Variants in ACER2 observed in about 807,000 individuals in gnomAD.
ACER2 encodes the protein alkCDase 2.
Under a neutral mutation model 34.7 loss-of-function variants are expected in ACER2, and 26 were observed. The ratio of observed to expected loss-of-function variants is 0.75; its 90% CI spans 0.55 to 1.04. The LOEUF (loss-of-function observed/expected upper bound fraction) is 1.04. ACER2 is among the 50% of genes least tolerant of loss of function. The pLI is 0.00. For missense variants in ACER2, 352 were observed against 340.8 expected, an observed-to-expected ratio of 1.03 and a Z score of -0.26; for synonymous variants, 138 against 132.1, an observed-to-expected ratio of 1.04 and a Z score of -0.31.
chr9:19,439,859 C>T (rs946227394), intron 4 of ACER2, among the ~76,000 whole-genome samples: 30 of 152,092 alleles, frequency 2.0e-4, no homozygotes, highest in Non-Finnish European at 4.4e-4. Context: ...CCCAGCTATT[C>T]GGGAGGCTGA....
At chr9:19,414,747 A>G (rs1830191082) in intron 1 of ACER2, among the ~76,000 whole-genome samples, 1 of 152,120 alleles carries the variant, frequency 6.6e-6, no homozygotes, top group African/African-American at 2.4e-5. Flanking sequence ...ATAATCTAAC[A>G]ATAGGCTTTA....
intron 3 of ACER2, among the ~76,000 whole-genome samples, chr9:19,427,066 G>C (rs1830594261): frequency 6.6e-6 from 1 of 152,172 alleles, no homozygotes. Flanking sequence ...GAAGCAATCT[G>C]GGTTTGAATC....
rs369761618 is a variant in ACER2 at position 19,446,375 on chromosome 9, G to A, written c.598G>A (p.Glu200Lys). 1.9e-5 allele frequency: 31 copies of A among 1,614,114 alleles called. No individual in the cohort carries two copies. Among genetic ancestry groups the A allele is most frequent in the East Asian group, 6.7e-5 (3 of 44,862 alleles). Residue 200 changes from glutamate to lysine, a missense_variant, in exon 5 of 6, where the codon GAG becomes AAG. Glu to Lys is a moderately conservative substitution (Grantham distance 56). Coordinates refer to ENST00000340967, the MANE Select transcript of ACER2 (RefSeq NM_001010887.3). The stretch of plus-strand genomic sequence containing the variant: ...CTGGATCAGTGACCGAGCTTTCTGC[G>A]AGCTGCTGTCATCCTTCAACTTCCC... ...FCWISDRAFCELLSSFNFPYL... is the reference protein window; with the variant it reads ...FCWISDRAFCKLLSSFNFPYL...
At chr9:19,434,298 C>T (rs1327464949) in intron 3 of ACER2, among the ~76,000 whole-genome samples, 1 of 150,102 alleles carries the variant, frequency 6.7e-6, no homozygotes, top group Non-Finnish European at 1.5e-5. Context: ...ACTGGGCAGC[C>T]AGGCAGAGGG....
chr9:19,448,612 C>T (rs1831455512), intron 5 of ACER2, among the ~76,000 whole-genome samples: 1 of 152,070 alleles, frequency 6.6e-6, no homozygotes, highest in Non-Finnish European at 1.5e-5. Context: ...GAAACTGTAC[C>T]ATTAACACTG....
At chr9:19,411,423 G>T (rs1482438925) in intron 1 of ACER2, among the ~76,000 whole-genome samples, 1 of 152,078 alleles carries the variant, frequency 6.6e-6, no homozygotes, top group Admixed American at 6.6e-5. Context: ...ATCATGCTCT[G>T]TTCCAGGCTT....
rs764663553 is a variant in ACER2 at position 19,450,584 on chromosome 9, C to T, written c.776C>T (p.Pro259Leu). 3.1e-6 allele frequency: 5 copies of T among 1,599,544 alleles called. No individual in the cohort carries two copies. Among genetic ancestry groups the T allele is most frequent in the Admixed American group, 1.7e-5 (1 of 59,842 alleles). ...GAGAAATGGGCCTTCATTGGTGTCC[C>T]CTATGTGTCCCTCCTGTGTGCCAAC... ...PNEKWAFIGV[P>L]YVSLLCANKK... Residue 259 changes from proline to leucine, a missense_variant, in exon 6 of 6, where the codon CCC becomes CTC. Coordinates refer to ENST00000340967, the MANE Select transcript of ACER2 (RefSeq NM_001010887.3).
At chr9:19,446,249 G>A in intron 4 of ACER2, 32 bp from the exon 5 acceptor site, 1 of 1,614,076 alleles carries the variant, frequency 6.2e-7, no homozygotes, top group Non-Finnish European at 8.5e-7. Flanking sequence ...GACAAGGTCT[G>A]ACGATGAGTG....
chr9:19,428,782 T>TG (rs1220244840), intron 3 of ACER2, among the ~76,000 whole-genome samples: 2 of 99,370 alleles, frequency 2.0e-5, no homozygotes, highest in African/African-American at 3.7e-5. Flanking sequence ...GTGGGTTTTT[T>TG]TTTTTTTTTT....
chr9:19,427,721 C>G (rs1169595586), intron 3 of ACER2, among the ~76,000 whole-genome samples: 1 of 144,562 alleles, frequency 6.9e-6, no homozygotes, highest in Non-Finnish European at 1.5e-5. Context: ...GGCTGGAGTG[C>G]TGTGGCACAA....
rs1032473528 is a variant in ACER2, at chr9:19,418,322, T to C, written c.109-5540T>C. 2.0e-5 allele frequency among the ~76,000 whole-genome samples: 3 copies of C among 152,102 alleles called. No homozygotes were observed. The East Asian group carries it at 5.8e-4, about 29-fold the overall frequency. Reference sequence around the variant, plus strand: ...CAACAATCTGGAACTAGAAATACCATTTGACCCAGCAATGCCATTACTAGG... The same window carrying C: ...CAACAATCTGGAACTAGAAATACCACTTGACCCAGCAATGCCATTACTAGG... On this transcript the variant is annotated intron_variant, in intron 1 of 5. Transcript: ENST00000340967.
intron 3 of ACER2, among the ~76,000 whole-genome samples, chr9:19,431,360 A>G (rs946703747): frequency 3.9e-5 from 6 of 152,202 alleles, no homozygotes; most frequent in African/African-American, 1.4e-4. Flanking sequence ...TATCGGTCTC[A>G]CTGGAACACC....
intron 3 of ACER2, among the ~76,000 whole-genome samples, chr9:19,432,151 G>T (rs1026309995): frequency 7.9e-5 from 12 of 152,168 alleles, no homozygotes; most frequent in Middle Eastern, 3.2e-3. Context: ...TGTGAAGATA[G>T]TATCAATTAT....
chr9:19,436,607 A>C (rs1163264085), intron 4 of ACER2, among the ~76,000 whole-genome samples: 2 of 152,094 alleles, frequency 1.3e-5, no homozygotes, highest in Non-Finnish European at 2.9e-5. Context: ...AGTTAATCTG[A>C]AATTTGACTT....
Position 19,431,354 on chromosome 9 carries a change from G to A in ACER2, c.366-3593G>A, listed in dbSNP as rs80155231. Among the ~76,000 whole-genome samples the A allele has an allele frequency of 1.4e-4, 21 of 152,202 alleles. No homozygotes were observed. In the East Asian group the frequency reaches 1.7e-3, roughly 13 times the overall value. ...TGGAGGCAGGATTTGAATGCATATCGGTCTCACTGGAACACCTATGCCTTG... is the reference window on the plus strand; with the variant it reads ...TGGAGGCAGGATTTGAATGCATATCAGTCTCACTGGAACACCTATGCCTTG... On this transcript the variant is annotated intron_variant, in intron 3 of 5. Coordinates refer to ENST00000340967, the MANE Select transcript of ACER2 (RefSeq NM_001010887.3).
intron 4 of ACER2, 21 bp from the exon 5 acceptor site, chr9:19,446,260 A>G (rs755318050): frequency 1.1e-4 from 182 of 1,613,346 alleles, no homozygotes; most frequent in Non-Finnish European, 1.5e-4. Context: ...ACGATGAGTG[A>G]CTCTCTGGAC....
rs1831558017 is a variant in ACER2 at position 19,451,182 on chromosome 9, T to G, written c.*546T>G. The G allele has an allele frequency of 6.6e-6, 1 of 152,264 alleles. No homozygotes were observed. Among genetic ancestry groups the G allele is most frequent in the African/African-American group, 2.4e-5 (1 of 41,438 alleles). The allele number at this position is 152,264 out of a possible 1,614,324, so 9.4% of individuals were successfully genotyped here. On this transcript the variant is annotated 3_prime_UTR_variant, in exon 6 of 6. Transcript: ENST00000340967. ...GGGGGATCCAGCCCTGTACAATGCA[T>G]CTCTTCCTGGAGAAAGCTGGCCTGC...
chr9:19,442,995 GC>G (rs1470451248), intron 4 of ACER2, among the ~76,000 whole-genome samples: 1 of 150,154 alleles, frequency 6.7e-6, no homozygotes, highest in East Asian at 2.0e-4. Flanking sequence ...ATCATGCCCG[GC>G]TAATTTATTG....
intron 3 of ACER2, among the ~76,000 whole-genome samples, chr9:19,428,816 G>T (rs1830664028): frequency 9.5e-6 from 1 of 105,200 alleles, no homozygotes. Flanking sequence ...TTGAGATGAA[G>T]TCTTGCTCTG....
Sources: allele counts gnomAD v4.1 joint callset (sites outside exome capture counted in the v4.1 genomes callset), GRCh38; gene constraint gnomAD v4.1.1; transcripts MANE v1.5; gene names NCBI Gene and HGNC (gene_info 2026-07-23, HGNC 2026-07-21).